The following PCDH15 variants were observed in gnomAD, a reference collection of about 807,000 sequenced individuals.
PCDH15 encodes the protein protocadherin-15.
Under a neutral mutation model 178.5 loss-of-function variants are expected in PCDH15, and 129 were observed. The ratio of observed to expected loss-of-function variants is 0.72; its 90% CI spans 0.63 to 0.84. The LOEUF is 0.84. PCDH15 is among the 40% of genes least tolerant of loss of function. The pLI, the probability that PCDH15 is intolerant of heterozygous loss-of-function variation, is 0.00. For synonymous variants in PCDH15, 800 were observed against 732.0 expected (o/e 1.09, Z -1.50); for missense variants, 2,230 against 2,099.9 (o/e 1.06, Z -1.21).
intron 2 of PCDH15, among the ~76,000 whole-genome samples, chr10:54,656,908 T>C (rs1024476325): frequency 2.0e-5 from 3 of 152,192 alleles, no homozygotes; most frequent in African/African-American, 7.2e-5. Flanking sequence ...CTCTACCAGT[T>C]AAAGGCCAGC....
intron 8 of PCDH15, among the ~76,000 whole-genome samples, chr10:54,258,733 A>C (rs570550064): frequency 1.4e-3 from 211 of 152,322 alleles, no homozygotes; most frequent in African/African-American, 4.6e-3. Context: ...AACGTGAATA[A>C]AGTCTGAAGA....
At chr10:54,145,482 A>C (rs1032130245) in intron 14 of PCDH15, among the ~76,000 whole-genome samples, 6 of 152,118 alleles carry the variant, frequency 3.9e-5, no homozygotes, top group African/African-American at 1.4e-4. Context: ...TGATGTTCAC[A>C]GATTGTATTC....
intron 2 of PCDH15, among the ~76,000 whole-genome samples, chr10:54,540,741 T>C (rs1289595759): frequency 6.6e-6 from 1 of 152,074 alleles, no homozygotes; most frequent in Non-Finnish European, 1.5e-5. Flanking sequence ...CTGATGAACA[T>C]AGATGCAAAA....
intron 2 of PCDH15, among the ~76,000 whole-genome samples, chr10:54,556,356 AC>A (rs56817578): frequency 0.059 from 8,960 of 152,244 alleles, 593 homozygotes; most frequent in East Asian, 0.32. Context: ...TCTGCTAGAC[AC>A]TGAAGGACCT....
chr10:55,600,542 A>G (rs1843053272), intron 2 of PCDH15, among the ~76,000 whole-genome samples: 2 of 152,110 alleles, frequency 1.3e-5, no homozygotes, highest in Admixed American at 6.6e-5. Flanking sequence ...TATCAACAAC[A>G]GGGTTTACGA....
intron 2 of PCDH15, among the ~76,000 whole-genome samples, chr10:54,598,862 A>G (rs2134042383): frequency 6.6e-6 from 1 of 152,200 alleles, no homozygotes; most frequent in African/African-American, 2.4e-5. Context: ...CAGGAATACA[A>G]TCCCATTCAC....
At chr10:54,802,242 G>A (rs1008451691), upstream of PCDH15, among the ~76,000 whole-genome samples, 5 of 152,126 alleles carry the variant, frequency 3.3e-5, no homozygotes, top group African/African-American at 7.2e-5. Context: ...AAATGTTGCC[G>A]TATTTATGCA....
intron 2 of PCDH15, among the ~76,000 whole-genome samples, chr10:54,566,310 G>C (rs759482220): frequency 2.0e-5 from 3 of 152,072 alleles, no homozygotes; most frequent in African/African-American, 4.8e-5. Context: ...TGGTACACTT[G>C]TTACAGTTGA....
chr10:54,759,810 G>A (rs58245327), intron 1 of PCDH15, among the ~76,000 whole-genome samples: 7,434 of 152,158 alleles, frequency 0.049, 606 homozygotes, highest in African/African-American at 0.17. Context: ...CTACACTGAC[G>A]TTTGGGGGCT....
intron 8 of PCDH15, among the ~76,000 whole-genome samples, chr10:54,309,817 A>G (rs2060792256): frequency 6.6e-6 from 1 of 151,930 alleles, no homozygotes; most frequent in Admixed American, 6.6e-5. Context: ...AAAATACTGT[A>G]TATCTGCTAT....
chr10:54,886,949 A>T (rs1433795638), intron 3 of PCDH15, among the ~76,000 whole-genome samples: 1 of 152,204 alleles, frequency 6.6e-6, no homozygotes, highest in Non-Finnish European at 1.5e-5. Context: ...TTGAATAAGG[A>T]TCTTTTAAAT....
At chr10:54,261,004 A>G (rs1259984168) in intron 8 of PCDH15, among the ~76,000 whole-genome samples, 2 of 152,034 alleles carry the variant, frequency 1.3e-5, no homozygotes, top group Non-Finnish European at 2.9e-5. Flanking sequence ...TTGATAATCA[A>G]CCTTCATAAT....
intron 3 of PCDH15, among the ~76,000 whole-genome samples, chr10:54,514,907 T>G (rs1204002698): frequency 6.6e-6 from 1 of 152,222 alleles, no homozygotes; most frequent in African/African-American, 2.4e-5. Context: ...TCCATAAAAC[T>G]TACTCATCGA....
Position 54,334,682 on chromosome 10 carries a change from AACACACAC to A in PCDH15, c.595-4984_595-4977del, listed in dbSNP as rs3069761. ...GTTCAAAAGAAGATAATTTCTAAAG[AACACACAC>A]ACACACACACACACACACACACACG... On this transcript the variant is annotated intron_variant, in intron 6 of 37. Transcript: ENST00000644397. 6.4e-3 allele frequency among the ~76,000 whole-genome samples: 966 copies of A among 150,092 alleles called. 8 individuals are homozygous for A. Among genetic ancestry groups the A allele is most frequent in the African/African-American group, 0.021 (880 of 40,990 alleles).
chr10:55,079,998 G>A (rs74136346), intron 2 of PCDH15, among the ~76,000 whole-genome samples: 1 of 152,058 alleles, frequency 6.6e-6, no homozygotes, highest in Non-Finnish European at 1.5e-5. Context: ...TGGGTTTGAA[G>A]AATCTGGCCT....
At chr10:55,255,566 C>A (rs10825486) in intron 1 of PCDH15, among the ~76,000 whole-genome samples, 101,918 of 151,290 alleles carry the variant, frequency 0.67, 34,378 homozygotes, top group East Asian at 0.82. Context: ...TACACTCCCA[C>A]CAACAGTGTA....
At chr10:54,063,591 C>T (rs72794984) in intron 18 of PCDH15, among the ~76,000 whole-genome samples, 30,325 of 152,036 alleles carry the variant, frequency 0.2, 3,183 homozygotes, top group Non-Finnish European at 0.23. Context: ...GAAACCTCTG[C>T]GGGTGGTGGC....
intron 2 of PCDH15, among the ~76,000 whole-genome samples, chr10:55,467,729 G>A (rs1158080297): frequency 6.6e-6 from 1 of 151,850 alleles, no homozygotes; most frequent in African/African-American, 2.4e-5. Flanking sequence ...ACATTGGGAG[G>A]TCAAGGCAGG....
At chr10:54,722,594 AT>A (rs1402486506) in intron 1 of PCDH15, among the ~76,000 whole-genome samples, 21 of 149,238 alleles carry the variant, frequency 1.4e-4, no homozygotes, top group African/African-American at 3.4e-4. Flanking sequence ...AAAAAAAAAA[AT>A]GTCAAATTAT....
Sources: gnomAD v4.1 joint callset for allele counts (sites outside exome capture counted in the v4.1 genomes callset) on GRCh38, gnomAD v4.1.1 for gene constraint, MANE v1.5 for transcripts, NCBI Gene and HGNC (gene_info 2026-07-23, HGNC 2026-07-21) for gene names.